The following FAM181B variants were observed in gnomAD, a reference collection of about 807,000 sequenced individuals.
FAM181B encodes the protein family with sequence similarity 181 member B, also known as protein FAM181B.
A neutral mutation model predicts 17.8 loss-of-function variants in FAM181B; 13 were observed. That is an observed-to-expected ratio of 0.73 (90% CI 0.48 to 1.16). FAM181B has a LOEUF of 1.16. Ranked by LOEUF, FAM181B falls within the 50% of genes most tolerant of loss-of-function variation. FAM181B has a pLI of 0.00. For missense variants in FAM181B, 725 were observed against 634.1 expected, an observed-to-expected ratio of 1.14 and a Z score of -1.54; for synonymous variants, 338 against 316.5, an observed-to-expected ratio of 1.07 and a Z score of -0.72.
Position 82,733,091 on chromosome 11 carries a change from C to T in FAM181B, c.639G>A (p.Ala213=), listed in dbSNP as rs1028125196. The change falls in exon 1 of 1, where the codon GCG becomes GCA. Residue 213 remains alanine, a synonymous_variant. Transcript: ENST00000329203. The stretch of plus-strand genomic sequence containing the variant: ...GCGGGACCTTCCTGGCCCCTGGGAT[C>T]GCCGTGGCCCCCGCGGGGCCTGCCA... ...GDVAGPAGAT[A]IPGARKVPLR... 2.7e-6 allele frequency: 4 copies of T among 1,498,528 alleles called. No homozygotes were observed. The highest frequency in any genetic ancestry group is 2.2e-5 in the Admixed American group (1 of 46,002). 92.8% of individuals were successfully genotyped at this position (1,498,528 alleles called of 1,614,324 possible). A position where few individuals can be genotyped will look rare whatever the true frequency, so the allele number is the denominator to read the frequency against.
chr11:82,732,867 T>A lies in FAM181B; in HGVS notation c.863A>T (p.Asp288Val), dbSNP rs1390803090. 2 of 1,535,014 alleles carry A rather than the reference T, an allele frequency of 1.3e-6. No individual in the cohort carries two copies. The highest frequency in any genetic ancestry group is 2.4e-5 in the South Asian group (2 of 81,698). The change falls in exon 1 of 1, where the codon GAC (aspartate) becomes GTC (valine). Residue 288 changes from aspartate (D) to valine (V), a missense_variant. Coordinates refer to ENST00000329203, the MANE Select transcript of FAM181B (RefSeq NM_175885.4). ...AAVLLAAEPL[D>V]VFPAGASVLR... is the part of the protein sequence containing the mutation. ...TACGGAGGCTCCGGCGGGGAACACGTCGAGAGGCTCGGCGGCAAGCAAGAC... is the reference window on the plus strand; with the variant it reads ...TACGGAGGCTCCGGCGGGGAACACGACGAGAGGCTCGGCGGCAAGCAAGAC...
rs183621176 is a variant in FAM181B at position 82,732,854 on chromosome 11, G to T, written c.876C>A (p.Ala292=). 1.3e-6 allele frequency: 2 copies of T among 1,539,584 alleles called. No individual in the cohort carries two copies. The highest frequency in any genetic ancestry group is 1.2e-5 in the South Asian group (1 of 82,904). Reference sequence around the variant, plus strand: ...GGGGTCCCCGCAGTACGGAGGCTCCGGCGGGGAACACGTCGAGAGGCTCGG... The same window carrying T: ...GGGGTCCCCGCAGTACGGAGGCTCCTGCGGGGAACACGTCGAGAGGCTCGG... ...LAAEPLDVFP[A]GASVLRGPPE... Residue 292 remains alanine (A), a synonymous_variant, in exon 1 of 1, where the codon GCC becomes GCA. Coordinates refer to ENST00000329203, the MANE Select transcript of FAM181B (RefSeq NM_175885.4).
In FAM181B at chr11:82,733,025, C is replaced by G; in HGVS notation, c.705G>C (p.Pro235=). ...CACACCCGCCGCCGCCTGCCCGGGA[C>G]GGCTCCGTGAAGAAGGACGGAGGCA... ...RNLPPSFFTE[P]SRAGGGGCGP... is the part of the protein sequence containing the mutation. The change falls in exon 1 of 1, where the codon CCG becomes CCC. Residue 235 remains proline (P), a synonymous_variant. Coordinates refer to ENST00000329203, the MANE Select transcript of FAM181B (RefSeq NM_175885.4). The G allele has an allele frequency of 6.5e-7, 1 of 1,541,636 alleles. No homozygotes were observed.
rs558643135 is a variant in FAM181B at position 82,733,853 on chromosome 11, G to A, written c.-124C>T. On this transcript the variant is annotated 5_prime_UTR_variant, in exon 1 of 1. Transcript: ENST00000329203. ...GCGCAGCCTACTAGTTCCGGGCCTGGCTCGCTGCGCTGCCTCCCGGGGGAG... is the reference window on the plus strand; with the variant it reads ...GCGCAGCCTACTAGTTCCGGGCCTGACTCGCTGCGCTGCCTCCCGGGGGAG... 409 of 764,308 alleles carry A rather than the reference G, an allele frequency of 5.4e-4. 2 individuals carry two copies. In the African/African-American group the frequency reaches 7.0e-3, roughly 13 times the overall value. The allele number at this position is 764,308 out of a possible 1,614,324, so 47.3% of individuals were successfully genotyped here.
rs1045876585 is a variant in FAM181B, at chr11:82,733,638, G to T, written c.92C>A (p.Ala31Asp). 1 of 1,594,840 alleles carries T rather than the reference G, an allele frequency of 6.3e-7. No homozygotes were observed. Among genetic ancestry groups the T allele is most frequent in the East Asian group, 2.3e-5 (1 of 44,090 alleles). ...SPDGLGGAFGALDKGCCFEDD... is the reference protein window; with the variant it reads ...SPDGLGGAFGDLDKGCCFEDD... ...CTCGAAACAGCAGCCCTTGTCCAGG[G>T]CTCCGAAGGCGCCCCCTAGCCCGTC... Residue 31 changes from alanine to aspartate, a missense_variant, in exon 1 of 1, where the codon GCC becomes GAC. Coordinates refer to ENST00000329203, the MANE Select transcript of FAM181B (RefSeq NM_175885.4).
chr11:82,733,378 G>C lies in FAM181B; in HGVS notation c.352C>G (p.Pro118Ala), dbSNP rs1391897312. 6.3e-6 allele frequency: 9 copies of C among 1,436,250 alleles called. No homozygotes were observed. The highest frequency in any genetic ancestry group is 7.3e-6 in the Non-Finnish European group (8 of 1,091,692). The allele number at this position is 1,436,250 out of a possible 1,614,324, so 89.0% of individuals were successfully genotyped here. Reference protein sequence around the residue: ...MGAAPPGPPSPSAADTPAKRP... With the variant: ...MGAAPPGPPSASAADTPAKRP... ...TTGGCTGGCGTGTCGGCGGCGCTCG[G>C]GGAGGGCGGGCCGGGGGGCGCGGCG... is the stretch of plus-strand genomic sequence containing the variant. Residue 118 changes from proline to alanine, a missense_variant, in exon 1 of 1, where the codon CCG becomes GCG. Pro to Ala is a conservative substitution (Grantham distance 27). Coordinates refer to ENST00000329203, the MANE Select transcript of FAM181B (RefSeq NM_175885.4).
Position 82,732,892 on chromosome 11 carries a change from C to G in FAM181B, c.838G>C (p.Val280Leu). 1.3e-6 allele frequency: 2 copies of G among 1,544,402 alleles called. No homozygotes were observed. Residue 280 changes from valine (V) to leucine (L), a missense_variant, in exon 1 of 1, where the codon GTC becomes CTC. Val to Leu is a conservative substitution (Grantham distance 32). Transcript: ENST00000329203. ...TCGAGAGGCTCGGCGGCAAGCAAGA[C>G]TGCCGCCTCCGTGCCGGCGCCGTAG... ...PDYGAGTEAA[V>L]LLAAEPLDVF...
chr11:82,732,457 G>A lies in FAM181B; in HGVS notation c.1273C>T (p.Arg425Trp), dbSNP rs1184451992. ...EGAPGEEGAH[R>W]D is the part of the protein sequence containing the mutation. The stretch of plus-strand genomic sequence containing the variant: ...GGAAGCGTGCCTCGAAGTCAGTCCC[G>A]GTGCGCCCCCTCCTCCCCCGGCGCC... Residue 425 changes from arginine to tryptophan, a missense_variant, in exon 1 of 1, where the codon CGG becomes TGG. By Grantham distance (101) the Arg-to-Trp change is moderately radical. Coordinates refer to ENST00000329203, the MANE Select transcript of FAM181B (RefSeq NM_175885.4). The A allele has an allele frequency of 1.2e-6, 2 of 1,612,786 alleles. No homozygotes were observed. Among genetic ancestry groups the A allele is most frequent in the South Asian group, 1.1e-5 (1 of 91,024 alleles).
chr11:82,732,788 C>G lies in FAM181B; in HGVS notation c.942G>C (p.Val314=). 6.7e-7 allele frequency: 1 copy of G among 1,493,608 alleles called. No homozygotes were observed. Among genetic ancestry groups the G allele is most frequent in the Non-Finnish European group, 8.9e-7 (1 of 1,120,946 alleles). 92.5% of individuals were successfully genotyped at this position (1,493,608 alleles called of 1,614,324 possible). A position where few individuals can be genotyped will look rare whatever the true frequency, so the allele number is the denominator to read the frequency against. ...GCTCGGGGTACAGTAGGTTTCCCAC[C>G]ACTGCCGGCGGCGGCTCAAAGAGGC... The part of the protein sequence containing the change: ...EPGLFEPPPA[V]VGNLLYPEPW... Residue 314 remains valine, a synonymous_variant, in exon 1 of 1, where the codon GTG becomes GTC. Transcript: ENST00000329203.
rs754089093 is a variant in FAM181B, at chr11:82,730,042, C to A, written c.*2407G>T. On this transcript the variant is annotated 3_prime_UTR_variant, in exon 1 of 1. Transcript: ENST00000329203. The stretch of plus-strand genomic sequence containing the variant: ...CAGAAGGTGAAGCAGCAGGAAGGCA[C>A]GTCTTACATGGTGGCAGGAGAGAGA... The A allele has an allele frequency of 6.6e-6, 1 of 152,226 alleles. No individual in the cohort carries two copies. Among genetic ancestry groups the A allele is most frequent in the Non-Finnish European group, 1.5e-5 (1 of 68,098 alleles). 9.4% of individuals were successfully genotyped at this position (152,226 alleles called of 1,614,324 possible).
At position 82,732,342 on chromosome 11, in the gene FAM181B, T is replaced by C; in HGVS notation, c.*107A>G. ...ATTAATTGAATTTTTAAAAATCTGGTTTCATCTCCACGTGCATTTTCCCAT... is the reference window on the plus strand; with the variant it reads ...ATTAATTGAATTTTTAAAAATCTGGCTTCATCTCCACGTGCATTTTCCCAT... On this transcript the variant is annotated 3_prime_UTR_variant, in exon 1 of 1. Transcript: ENST00000329203. The C allele has an allele frequency of 1.8e-6, 2 of 1,093,680 alleles. No homozygotes were observed. Among genetic ancestry groups the C allele is most frequent in the Non-Finnish European group, 2.6e-6 (2 of 776,444 alleles). The allele number at this position is 1,093,680 out of a possible 1,614,324, so 67.7% of individuals were successfully genotyped here.
rs1202453693 is a variant in FAM181B, at chr11:82,731,823, A to C, written c.*626T>G. The C allele has an allele frequency of 6.6e-6, 1 of 152,466 alleles. No individual in the cohort carries two copies. The highest frequency in any genetic ancestry group is 1.5e-5 in the Non-Finnish European group (1 of 68,190). 9.4% of individuals were successfully genotyped at this position (152,466 alleles called of 1,614,324 possible). ...AAGGGTGGAGGGAGATGGAAGCAGG[A>C]AGCGGGCAGAAAAAAGAGTTAAACC... is the stretch of plus-strand genomic sequence containing the variant. On this transcript the variant is annotated 3_prime_UTR_variant, in exon 1 of 1. Coordinates refer to ENST00000329203, the MANE Select transcript of FAM181B (RefSeq NM_175885.4).
rs1857133993 is a variant in FAM181B, at chr11:82,731,905, G to A, written c.*544C>T. The A allele has an allele frequency of 6.5e-6, 1 of 153,026 alleles. No homozygotes were observed. Among genetic ancestry groups the A allele is most frequent in the Non-Finnish European group, 1.5e-5 (1 of 68,672 alleles). 9.5% of individuals were successfully genotyped at this position (153,026 alleles called of 1,614,324 possible). A position where few individuals can be genotyped will look rare whatever the true frequency, so the allele number is the denominator to read the frequency against. On this transcript the variant is annotated 3_prime_UTR_variant, in exon 1 of 1. Transcript: ENST00000329203. Reference sequence around the variant, plus strand: ...CACAGGAGGTCAGCAGTGGACCACCGGCCTCCTCCCTCAGCCACAGGCTCA... The same window carrying A: ...CACAGGAGGTCAGCAGTGGACCACCAGCCTCCTCCCTCAGCCACAGGCTCA...
Position 82,732,978 on chromosome 11 carries a change from C to A in FAM181B, c.752G>T (p.Ser251Ile). Residue 251 changes from serine (S) to isoleucine (I), a missense_variant, in exon 1 of 1, where the codon AGC (serine) becomes ATC (isoleucine). Transcript: ENST00000329203. Reference protein sequence around the residue: ...GGCGPSGPDVSLGDLEKGAEA... With the variant: ...GGCGPSGPDVILGDLEKGAEA... ...CGCGCCCTTCTCCAGGTCGCCCAAGCTCACGTCCGGCCCCGACGGGCCACA... is the reference window on the plus strand; with the variant it reads ...CGCGCCCTTCTCCAGGTCGCCCAAGATCACGTCCGGCCCCGACGGGCCACA... 1.3e-6 allele frequency: 2 copies of A among 1,571,000 alleles called. No homozygotes were observed. Among genetic ancestry groups the A allele is most frequent in the South Asian group, 1.2e-5 (1 of 86,774 alleles).
Position 82,733,512 on chromosome 11 carries a change from G to A in FAM181B, c.218C>T (p.Ala73Val), listed in dbSNP as rs1256598572. The A allele has an allele frequency of 3.7e-6, 6 of 1,608,888 alleles. No individual in the cohort carries two copies. The highest frequency in any genetic ancestry group is 1.3e-5 in the African/African-American group (1 of 74,790). The change falls in exon 1 of 1, where the codon GCG becomes GTG. Residue 73 changes from alanine (A) to valine (V), a missense_variant. Transcript: ENST00000329203. ...TRDLLSFIDS[A>V]SSNIKLALDK... Reference sequence around the variant, plus strand: ...CAGCGCCAGCTTGATGTTGCTGGACGCCGAGTCAATGAAGCTGAGTAGATC... The same window carrying A: ...CAGCGCCAGCTTGATGTTGCTGGACACCGAGTCAATGAAGCTGAGTAGATC...
Position 82,730,443 on chromosome 11 carries a change from TAGTAAC to T in FAM181B, c.*2000_*2005del, listed in dbSNP as rs1857116475. 1 of 152,262 alleles carries T rather than the reference TAGTAAC, an allele frequency of 6.6e-6. No individual in the cohort carries two copies. Among genetic ancestry groups the T allele is most frequent in the South Asian group, 2.1e-4 (1 of 4,838 alleles). The allele number at this position is 152,262 out of a possible 1,614,324, so 9.4% of individuals were successfully genotyped here. A position where few individuals can be genotyped will look rare whatever the true frequency, so the allele number is the denominator to read the frequency against. On this transcript the variant is annotated 3_prime_UTR_variant, in exon 1 of 1. Transcript: ENST00000329203. ...AAACATTACAATGACACTATAGTCTTAGTAACAGTCACAGGGTTATTAATGTTTTCC... is the reference window on the plus strand; with the variant it reads ...AAACATTACAATGACACTATAGTCTTAGTCACAGGGTTATTAATGTTTTCC...
rs1354427293 is a variant in FAM181B at position 82,731,439 on chromosome 11, G to A, written c.*1010C>T. On this transcript the variant is annotated 3_prime_UTR_variant, in exon 1 of 1. Transcript: ENST00000329203. ...AAAAAGGCATGGGACTCACAACTCT[G>A]TTTCCGTGTGTAGAAACCATTTATA... The A allele has an allele frequency of 6.6e-6, 1 of 152,240 alleles. No homozygotes were observed. Among genetic ancestry groups the A allele is most frequent in the African/African-American group, 2.4e-5 (1 of 41,452 alleles). 9.4% of individuals were successfully genotyped at this position (152,240 alleles called of 1,614,324 possible). A position where few individuals can be genotyped will look rare whatever the true frequency, so the allele number is the denominator to read the frequency against.
In FAM181B at chr11:82,732,750, G is replaced by A. The variant is rs1204355430; in HGVS notation, c.980C>T (p.Pro327Leu). 3.4e-6 allele frequency: 5 copies of A among 1,466,072 alleles called. No homozygotes were observed. The East Asian group carries it at 7.5e-5, about 22-fold the overall frequency. The allele number at this position is 1,466,072 out of a possible 1,614,324, so 90.8% of individuals were successfully genotyped here. The change falls in exon 1 of 1, where the codon CCG becomes CTG. Residue 327 changes from proline (P) to leucine (L), a missense_variant. Physicochemically the swap from Pro to Leu is moderately conservative, Grantham distance 98. Coordinates refer to ENST00000329203, the MANE Select transcript of FAM181B (RefSeq NM_175885.4). ...NLLYPEPWSV[P>L]GCSPTKKSPL... is the part of the protein sequence containing the mutation. ...GCTCTTTTTGGTCGGGGAGCAGCCCGGGACGCTCCAGGGCTCGGGGTACAG... is the reference window on the plus strand; with the variant it reads ...GCTCTTTTTGGTCGGGGAGCAGCCCAGGACGCTCCAGGGCTCGGGGTACAG...
rs1235682228 is a variant in FAM181B, at chr11:82,733,676, G to T, written c.54C>A (p.Phe18Leu). The T allele has an allele frequency of 6.5e-7, 1 of 1,542,410 alleles. No homozygotes were observed. The highest frequency in any genetic ancestry group is 8.7e-7 in the Non-Finnish European group (1 of 1,149,214). ...CCCCTAGCCCGTCCGGGGAGCCCCC[G>T]AAGCCGAAGGGCACGAAAGGGTGCG... ...LSTHPFVPFGFGGSPDGLGGA... is the reference protein window; with the variant it reads ...LSTHPFVPFGLGGSPDGLGGA... The change falls in exon 1 of 1, where the codon TTC becomes TTA. Residue 18 changes from phenylalanine to leucine, a missense_variant. Coordinates refer to ENST00000329203, the MANE Select transcript of FAM181B (RefSeq NM_175885.4).
Sources: allele counts gnomAD v4.1 joint callset, GRCh38; gene constraint gnomAD v4.1.1; transcripts MANE v1.5; gene names NCBI Gene and HGNC (gene_info 2026-07-23, HGNC 2026-07-21).